Variants in CAST observed in about 807,000 individuals in gnomAD.
CAST encodes the protein MIR583 host.
In CAST, 76 loss-of-function variants were observed where a neutral mutation model predicts 119.6. The observed-to-expected ratio is 0.64, with a 90% confidence interval of 0.53 to 0.77. CAST has a LOEUF of 0.77. Ranked by LOEUF, CAST falls within the 30% of genes least tolerant of loss-of-function variation. The probability of loss-of-function intolerance (pLI) is 0.00; values close to 1 mark genes in which losing one functional copy is unlikely to be tolerated. For missense variants in CAST, 953 were observed against 946.5 expected (o/e 1.01, Z -0.09); for synonymous variants, 319 against 331.6 (o/e 0.96, Z 0.41).
chr5:96,721,504 A>G (rs1156880663), intron 3 of CAST, among the ~76,000 whole-genome samples: 1 of 152,108 alleles, frequency 6.6e-6, no homozygotes, highest in Non-Finnish European at 1.5e-5. Context: ...CCTGTGACTC[A>G]GCCTCTGAAG....
At chr5:96,528,581 C>A (rs1169194505), upstream of CAST, among the ~76,000 whole-genome samples, 1 of 152,160 alleles carries the variant, frequency 6.6e-6, no homozygotes, top group East Asian at 1.9e-4. Context: ...TAGATGCCCA[C>A]CCCAAGCAGT....
chr5:96,109,097 T>C, the CAST span, among the ~76,000 whole-genome samples: 6 of 151,556 alleles, frequency 4.0e-5, no homozygotes, highest in African/African-American at 1.2e-4. Context: ...GCACGGTGCG[T>C]GCACCCACTG....
chr5:96,435,459 G>A, the CAST span, among the ~76,000 whole-genome samples: 2 of 152,182 alleles, frequency 1.3e-5, no homozygotes, highest in African/African-American at 4.8e-5. Flanking sequence ...GCATGCAGAA[G>A]AAATAAATTT....
the CAST span, among the ~76,000 whole-genome samples, chr5:96,445,371 A>G: frequency 6.6e-6 from 1 of 152,170 alleles, no homozygotes; most frequent in Non-Finnish European, 1.5e-5. Context: ...AGTTCAAGGC[A>G]GTAGTGAGCT....
intron 1 of CAST, among the ~76,000 whole-genome samples, chr5:96,548,531 C>T (rs539034529): frequency 6.6e-6 from 1 of 152,186 alleles, no homozygotes; most frequent in Admixed American, 6.5e-5. Context: ...CCCCCGCCCC[C>T]CACCAACCCT....
At chr5:96,457,120 C>T in the CAST span, among the ~76,000 whole-genome samples, 1 of 152,144 alleles carries the variant, frequency 6.6e-6, no homozygotes, top group East Asian at 1.9e-4. Flanking sequence ...ATTGCTACCA[C>T]CCAGAGGTTA....
intron 1 of CAST, among the ~76,000 whole-genome samples, chr5:96,620,800 C>A (rs979769498): frequency 6.6e-6 from 1 of 152,132 alleles, no homozygotes; most frequent in Non-Finnish European, 1.5e-5. Context: ...GGGGGATTAC[C>A]TTGCAATTAT....
chr5:96,015,258 A>T, the CAST span, among the ~76,000 whole-genome samples: 15 of 152,252 alleles, frequency 9.9e-5, no homozygotes, highest in African/African-American at 3.1e-4. Context: ...TTATTTTTTT[A>T]AAATCCATAA....
the CAST span, among the ~76,000 whole-genome samples, chr5:96,099,953 G>C: frequency 6.6e-6 from 1 of 152,152 alleles, no homozygotes; most frequent in African/African-American, 2.4e-5. Context: ...GACCCCTTCT[G>C]GTCCTGGCCT....
the CAST span, chr5:95,961,943 C>T: frequency 2.9e-5 from 15 of 518,524 alleles, no homozygotes; most frequent in Non-Finnish European, 3.8e-5. Context: ...TGGTCTTGTT[C>T]CCTTCAGAAC....
At chr5:96,310,046 T>C in the CAST span, among the ~76,000 whole-genome samples, 1 of 152,362 alleles carries the variant, frequency 6.6e-6, no homozygotes, top group East Asian at 1.9e-4. Flanking sequence ...CCATTGAGTA[T>C]AATGTTAGCC....
chr5:96,751,688 G>A (rs916996019), intron 20 of CAST, among the ~76,000 whole-genome samples: 5 of 152,174 alleles, frequency 3.3e-5, no homozygotes, highest in Non-Finnish European at 5.9e-5. Flanking sequence ...AAGAGGCTGT[G>A]ATTGGAGTCA....
the CAST span, among the ~76,000 whole-genome samples, chr5:96,508,340 C>T: frequency 6.6e-6 from 1 of 152,226 alleles, no homozygotes; most frequent in East Asian, 1.9e-4. Context: ...GGATTGGCTG[C>T]CTCTCCCAGG....
the CAST span, among the ~76,000 whole-genome samples, chr5:96,131,730 G>A: frequency 6.6e-6 from 1 of 152,144 alleles, no homozygotes; most frequent in Non-Finnish European, 1.5e-5. Context: ...ATATAGGTGA[G>A]ACTGCTAACT....
At chr5:96,533,032 AAAAAATAAAAAT>A (rs35308858) in intron 1 of CAST, among the ~76,000 whole-genome samples, 1 of 147,822 alleles carries the variant, frequency 6.8e-6, no homozygotes, top group African/African-American at 2.5e-5. Context: ...CTCAAAAAAA[AAAAAATAAAAAT>A]AAAAATAAAA....
chr5:96,024,032 C>A, the CAST span, among the ~76,000 whole-genome samples: 1 of 152,120 alleles, frequency 6.6e-6, no homozygotes, highest in African/African-American at 2.4e-5. Context: ...ACAAAAACCA[C>A]AGTTATCATC....
chr5:96,536,031 G>GTTT (rs533558053), intron 1 of CAST, among the ~76,000 whole-genome samples: 6 of 103,868 alleles, frequency 5.8e-5, no homozygotes, highest in South Asian at 3.8e-4. Context: ...AATATTTAAG[G>GTTT]TTTTTTTTTT....
At chr5:95,966,438 G>A in the CAST span, among the ~76,000 whole-genome samples, 14 of 152,228 alleles carry the variant, frequency 9.2e-5, no homozygotes, top group South Asian at 8.3e-4. Flanking sequence ...ACTGGACTTG[G>A]GCTGTGCACT....
the CAST span, among the ~76,000 whole-genome samples, chr5:96,031,860 T>C: frequency 6.6e-6 from 1 of 151,826 alleles, no homozygotes; most frequent in African/African-American, 2.4e-5. Context: ...AATTTGGGAG[T>C]AGATCAGCTG....
Sources: gnomAD v4.1 joint callset for allele counts (sites outside exome capture counted in the v4.1 genomes callset) on GRCh38, gnomAD v4.1.1 for gene constraint, MANE v1.5 for transcripts, NCBI Gene and HGNC (gene_info 2026-07-23, HGNC 2026-07-21) for gene names.